RTF2: variants seen among roughly 807,000 people sequenced by gnomAD.
RTF2 encodes the protein UPF0549 protein C20orf43.
Under a neutral mutation model 38.0 loss-of-function variants are expected in RTF2, and 18 were observed. The observed-to-expected ratio is 0.47, with a 90% CI of 0.33 to 0.70. RTF2 has a LOEUF of 0.70. Ranked by LOEUF, RTF2 falls within the 30% of genes least tolerant of loss-of-function variation. RTF2 has a pLI of 0.02. For synonymous variants in RTF2, 126 were observed against 137.1 expected (o/e 0.92, Z 0.57); for missense variants, 311 against 379.6 (o/e 0.82, Z 1.50).
intron 8 of RTF2, 92 bp from the exon 9 acceptor site, chr20:56,517,995 A>C (rs1330677286): frequency 1.5e-6 from 2 of 1,293,050 alleles, no homozygotes; most frequent in South Asian, 1.4e-5. Flanking sequence ...AACGTCTGGG[A>C]CAGAGTGACT....
At chr20:56,508,550 C>T (rs1299354815) in intron 5 of RTF2, among the ~76,000 whole-genome samples, 1 of 152,104 alleles carries the variant, frequency 6.6e-6, no homozygotes, top group Non-Finnish European at 1.5e-5. Context: ...ATGACTATAA[C>T]ATTTAATAGA....
intron 5 of RTF2, chr20:56,495,173 T>TTTTTG (rs910211981): frequency 2.0e-5 from 30 of 1,494,598 alleles, no homozygotes; most frequent in Middle Eastern, 3.4e-4. Flanking sequence ...TTTGAAGCCT[T>TTTTTG]TTTTGTTTTG....
intron 5 of RTF2, among the ~76,000 whole-genome samples, chr20:56,499,945 A>G (rs1283050414): frequency 6.6e-6 from 1 of 151,976 alleles, no homozygotes; most frequent in Non-Finnish European, 1.5e-5. Context: ...CATGTTGGCC[A>G]GGCTGGTCTT....
rs1259851319 is a variant in RTF2, at chr20:56,487,152, T to C, written c.477+2963T>C. Among the ~76,000 whole-genome samples, 7 of 152,196 alleles carry C rather than the reference T, an allele frequency of 4.6e-5. 1 individual carries two copies. Among genetic ancestry groups the C allele is most frequent in the African/African-American group, 1.7e-4 (7 of 41,450 alleles). On this transcript the variant is annotated intron_variant, in intron 5 of 8. Transcript: ENST00000357348. Reference sequence around the variant, plus strand: ...GGTGCACAGTTGTCCTTTGCGTTGGTTGGCCTAAAACAATCATACTAATAA... The same window carrying C: ...GGTGCACAGTTGTCCTTTGCGTTGGCTGGCCTAAAACAATCATACTAATAA...
intron 5 of RTF2, among the ~76,000 whole-genome samples, chr20:56,501,710 G>A (rs868246521): frequency 1.2e-4 from 18 of 152,008 alleles, no homozygotes; most frequent in African/African-American, 4.3e-4. Flanking sequence ...AAAATAATTA[G>A]CCAAGTATTA....
intron 5 of RTF2, among the ~76,000 whole-genome samples, chr20:56,488,665 G>A (rs1262212332): frequency 6.6e-6 from 1 of 152,214 alleles, no homozygotes; most frequent in Admixed American, 6.5e-5. Context: ...CATCTTTATA[G>A]TCTTTGTGAA....
chr20:56,493,359 TTAA>T (rs1983295494), intron 5 of RTF2, among the ~76,000 whole-genome samples: 1 of 152,068 alleles, frequency 6.6e-6, no homozygotes, highest in Non-Finnish European at 1.5e-5. Flanking sequence ...TTTAACTACT[TTAA>T]TATTATAAGT....
At chr20:56,498,359 C>T (rs1983696470) in intron 5 of RTF2, among the ~76,000 whole-genome samples, 1 of 152,116 alleles carries the variant, frequency 6.6e-6, no homozygotes, top group African/African-American at 2.4e-5. Flanking sequence ...CACTTGAGCC[C>T]AGGTGTTCAA....
At chr20:56,506,002 CT>C (rs1984244430) in intron 5 of RTF2, among the ~76,000 whole-genome samples, 2 of 152,274 alleles carry the variant, frequency 1.3e-5, no homozygotes, top group South Asian at 4.1e-4. Context: ...ATAAGTTTTC[CT>C]TCAAAACATA....
chr20:56,512,083 G>C (rs1041342717), intron 5 of RTF2, among the ~76,000 whole-genome samples: 33 of 152,120 alleles, frequency 2.2e-4, no homozygotes, highest in Admixed American at 3.9e-4. Flanking sequence ...ACCTCAAATG[G>C]TGATCCGCCC....
intron 5 of RTF2, among the ~76,000 whole-genome samples, chr20:56,504,939 G>A (rs1294297459): frequency 6.6e-6 from 1 of 152,212 alleles, no homozygotes; most frequent in African/African-American, 2.4e-5. Flanking sequence ...CCAAAGCACA[G>A]AGTATTAGAA....
chr20:56,471,943 G>A (rs1157276036), intron 1 of RTF2, among the ~76,000 whole-genome samples: 2 of 152,212 alleles, frequency 1.3e-5, no homozygotes, highest in African/African-American at 4.8e-5. Flanking sequence ...AAATTCAGAG[G>A]GCCAGGTGTG....
At chr20:56,483,341 C>CTTT (rs11376576) in intron 4 of RTF2, among the ~76,000 whole-genome samples, 1 of 146,528 alleles carries the variant, frequency 6.8e-6, no homozygotes, top group Non-Finnish European at 1.5e-5. Context: ...CTTTCAATCT[C>CTTT]TTTTTTTTTT....
chr20:56,506,131 T>G (rs764221730), intron 5 of RTF2, among the ~76,000 whole-genome samples: 2 of 152,226 alleles, frequency 1.3e-5, no homozygotes, highest in African/African-American at 2.4e-5. Context: ...TTCCTTAGGC[T>G]CTGTTCTTAT....
intron 1 of RTF2, chr20:56,472,520 T>C: frequency 1.7e-6 from 1 of 599,450 alleles, no homozygotes; most frequent in Non-Finnish European, 3.0e-6. Context: ...CCAAAACACT[T>C]ATTTCTGTTA....
At chr20:56,497,974 T>G (rs952439201) in intron 5 of RTF2, among the ~76,000 whole-genome samples, 2 of 152,254 alleles carry the variant, frequency 1.3e-5, no homozygotes, top group African/African-American at 4.8e-5. Flanking sequence ...TTATATAGCC[T>G]CTGGCATACT....
intron 5 of RTF2, among the ~76,000 whole-genome samples, chr20:56,499,192 A>ATTTTTT: frequency 7.0e-6 from 1 of 142,828 alleles, no homozygotes; most frequent in South Asian, 2.2e-4. Context: ...TGTAATACTT[A>ATTTTTT]TCTTTTTTTT....
intron 5 of RTF2, among the ~76,000 whole-genome samples, chr20:56,487,371 G>A (rs1217986227): frequency 2.0e-5 from 3 of 152,174 alleles, no homozygotes; most frequent in Non-Finnish European, 2.9e-5. Context: ...GGAAGCAGGA[G>A]GAAAGAGGAA....
At chr20:56,478,475 G>C (rs138175709) in intron 4 of RTF2, among the ~76,000 whole-genome samples, 2 of 152,312 alleles carry the variant, frequency 1.3e-5, no homozygotes, top group East Asian at 3.9e-4. Flanking sequence ...CTGGGTGACA[G>C]AGTGGGACCC....
Sources: allele counts gnomAD v4.1 joint callset (sites outside exome capture counted in the v4.1 genomes callset), GRCh38; gene constraint gnomAD v4.1.1; transcripts MANE v1.5; gene names NCBI Gene and HGNC (gene_info 2026-07-23, HGNC 2026-07-21).